Variants in LYPD6B observed in about 807,000 individuals in gnomAD.
LYPD6B encodes the protein LY6/PLAUR domain containing 6B.
Under a neutral mutation model 22.8 loss-of-function variants are expected in LYPD6B, and 17 were observed. The ratio of observed to expected loss-of-function variants is 0.75; its 90% CI spans 0.51 to 1.12. The LOEUF is 1.12. LYPD6B is among the 50% of genes most tolerant of loss of function. The pLI is 0.00. For missense variants in LYPD6B, 221 were observed against 258.3 expected (o/e 0.86, Z 0.99); for synonymous variants, 106 against 91.6 (o/e 1.16, Z -0.90).
intron 1 of LYPD6B, among the ~76,000 whole-genome samples, chr2:149,126,712 A>T (rs1687718669): frequency 6.6e-6 from 1 of 152,164 alleles, no homozygotes; most frequent in South Asian, 2.1e-4. Flanking sequence ...TCTGCCTGGG[A>T]TATAGGGTGT....
intron 1 of LYPD6B, among the ~76,000 whole-genome samples, chr2:149,057,256 A>C (rs985053109): frequency 6.6e-6 from 1 of 152,048 alleles, no homozygotes; most frequent in South Asian, 2.1e-4. Context: ...TTATTATTCT[A>C]TTGGCAAAAT....
At chr2:149,123,602 G>A (rs934178488) in intron 1 of LYPD6B, among the ~76,000 whole-genome samples, 1 of 152,272 alleles carries the variant, frequency 6.6e-6, no homozygotes, top group Admixed American at 6.5e-5. Flanking sequence ...TGCTGTACAC[G>A]CCTGTGATCC....
chr2:149,157,624 C>G (rs1689793243), intron 2 of LYPD6B, among the ~76,000 whole-genome samples: 1 of 152,192 alleles, frequency 6.6e-6, no homozygotes, highest in Non-Finnish European at 1.5e-5. Flanking sequence ...ACTGTGCCAG[C>G]TTTGTGAACT....
At chr2:149,064,724 G>A (rs1684245115) in intron 1 of LYPD6B, among the ~76,000 whole-genome samples, 1 of 152,212 alleles carries the variant, frequency 6.6e-6, no homozygotes, top group Non-Finnish European at 1.5e-5. Flanking sequence ...ACAGCACTGG[G>A]AATAAATGGC....
chr2:149,071,941 T>C (rs190716597), intron 1 of LYPD6B, among the ~76,000 whole-genome samples: 312 of 151,120 alleles, frequency 2.1e-3, no homozygotes, highest in African/African-American at 7.2e-3. Flanking sequence ...TTTACCCCCC[T>C]TTTTTTTTGA....
chr2:149,130,828 C>T, intron 1 of LYPD6B, 55 bp from the exon 2 acceptor site: 2 of 791,754 alleles, frequency 2.5e-6, no homozygotes, highest in Non-Finnish European at 4.4e-6. Flanking sequence ...ATCCCTTTAT[C>T]CCAAATGTCT....
rs191183581 is a variant in LYPD6B at position 149,214,797 on chromosome 2, A to G, written c.*87A>G. ...ACGGTGAACTTTGGAGTGAAGATCAATCTTGCACTTGGTGAAGAGTGCACA... is the reference window on the plus strand; with the variant it reads ...ACGGTGAACTTTGGAGTGAAGATCAGTCTTGCACTTGGTGAAGAGTGCACA... On this transcript the variant is annotated 3_prime_UTR_variant, in exon 7 of 7. Coordinates refer to ENST00000409642, the MANE Select transcript of LYPD6B (RefSeq NM_177964.5). The G allele has an allele frequency of 2.6e-4, 357 of 1,399,896 alleles. 3 individuals are homozygous for G. The African/African-American group carries it at 4.5e-3, about 18-fold the overall frequency. The allele number at this position is 1,399,896 out of a possible 1,614,324, so 86.7% of individuals were successfully genotyped here.
intron 3 of LYPD6B, among the ~76,000 whole-genome samples, chr2:149,173,449 T>G (rs992518759): frequency 5.3e-5 from 8 of 151,398 alleles, no homozygotes; most frequent in Admixed American, 5.3e-4. Context: ...AATGTCTTCT[T>G]ATCTTCATTC....
At chr2:149,214,491 G>T in intron 6 of LYPD6B, 55 bp from the exon 7 acceptor site, 9 of 1,552,162 alleles carry the variant, frequency 5.8e-6, no homozygotes, top group Non-Finnish European at 8.0e-6. Flanking sequence ...TCTTTCTTTT[G>T]CCCCTTCCCT....
At chr2:149,135,987 C>A (rs1162492847) in intron 2 of LYPD6B, among the ~76,000 whole-genome samples, 1 of 152,068 alleles carries the variant, frequency 6.6e-6, no homozygotes, top group Non-Finnish European at 1.5e-5. Flanking sequence ...TCATCGCTAC[C>A]TGCTAATTCA....
chr2:149,043,913 G>C (rs1224754234), intron 1 of LYPD6B, among the ~76,000 whole-genome samples: 1 of 152,000 alleles, frequency 6.6e-6, no homozygotes, highest in African/African-American at 2.4e-5. Context: ...AATTGTCTTA[G>C]AGCTTTTGTC....
chr2:149,042,620 C>A (rs372891563), intron 1 of LYPD6B, among the ~76,000 whole-genome samples: 1 of 152,116 alleles, frequency 6.6e-6, no homozygotes, highest in Non-Finnish European at 1.5e-5. Flanking sequence ...CTACTGTGTG[C>A]CAGACACTGT....
chr2:149,097,550 G>GT lies in LYPD6B; in HGVS notation c.-66-33331dup, dbSNP rs1315903426. The stretch of plus-strand genomic sequence containing the variant: ...TAGCAACTCAGGGAGAGTCACCTCC[G>GT]TTGGGGGCTGCTGGGCCCTAACAGT... On this transcript the variant is annotated intron_variant, in intron 1 of 6. Coordinates refer to ENST00000409642, the MANE Select transcript of LYPD6B (RefSeq NM_177964.5). Among the ~76,000 whole-genome samples the GT allele has an allele frequency of 2.4e-4, 37 of 152,310 alleles. 1 individual carries two copies. The highest frequency in any genetic ancestry group is 4.3e-4 in the Non-Finnish European group (29 of 68,036).
chr2:149,049,337 G>A (rs574442677), intron 1 of LYPD6B, among the ~76,000 whole-genome samples: 4 of 152,220 alleles, frequency 2.6e-5, no homozygotes, highest in African/African-American at 7.2e-5. Context: ...CTCAGTATAT[G>A]AGCATGTGTG....
intron 2 of LYPD6B, chr2:149,153,922 A>G (rs1266481909): frequency 1.1e-5 from 2 of 174,414 alleles, no homozygotes; most frequent in Admixed American, 6.5e-5. Context: ...GTCCTTCATT[A>G]CTGTGGATTA....
intron 1 of LYPD6B, among the ~76,000 whole-genome samples, chr2:149,055,108 T>G (rs1683730744): frequency 6.6e-6 from 1 of 152,230 alleles, no homozygotes. Flanking sequence ...CTGTTGCATG[T>G]GGCTTCCCAG....
At chr2:149,120,172 C>T (rs374939370) in intron 1 of LYPD6B, among the ~76,000 whole-genome samples, 12 of 151,408 alleles carry the variant, frequency 7.9e-5, no homozygotes, top group African/African-American at 2.9e-4. Flanking sequence ...TGTTTTATTT[C>T]TTTTGTTTCA....
intron 1 of LYPD6B, chr2:149,119,191 A>G (rs1050264225): frequency 1.3e-5 from 2 of 152,222 alleles, no homozygotes; most frequent in African/African-American, 4.8e-5. Flanking sequence ...ATGTGTAATT[A>G]AAGAAAATTA....
chr2:149,071,051 G>C (rs1684580046), intron 1 of LYPD6B, among the ~76,000 whole-genome samples: 1 of 152,212 alleles, frequency 6.6e-6, no homozygotes. Flanking sequence ...GGACTGATAG[G>C]TGAGGGGCTA....
Sources: allele counts gnomAD v4.1 joint callset (sites outside exome capture counted in the v4.1 genomes callset), GRCh38; gene constraint gnomAD v4.1.1; transcripts MANE v1.5; gene names NCBI Gene and HGNC (gene_info 2026-07-23, HGNC 2026-07-21).